The following CHCHD3 variants were observed in gnomAD, a reference collection of about 807,000 sequenced individuals.
The protein encoded by CHCHD3 is MICOS complex subunit MIC19.
A neutral mutation model predicts 38.2 loss-of-function variants in CHCHD3; 20 were observed. The observed-to-expected ratio is 0.52, with a 90% CI of 0.37 to 0.76. The LOEUF (loss-of-function observed/expected upper bound fraction) is 0.76. CHCHD3 is among the 30% of genes least tolerant of loss of function. The pLI, the probability that CHCHD3 is intolerant of heterozygous loss-of-function variation, is 0.00. For missense variants in CHCHD3, 245 were observed against 279.2 expected, an observed-to-expected ratio of 0.88 and a Z score of 0.87; for synonymous variants, 82 against 100.0, an observed-to-expected ratio of 0.82 and a Z score of 1.07.
chr7:132,797,679 T>C (rs1806655078), intron 6 of CHCHD3, among the ~76,000 whole-genome samples: 2 of 152,200 alleles, frequency 1.3e-5, no homozygotes, highest in Admixed American at 1.3e-4. Flanking sequence ...CTACTTATAC[T>C]TACAAATCTC....
At chr7:133,071,161 C>T (rs1009542785) in intron 1 of CHCHD3, among the ~76,000 whole-genome samples, 10 of 152,168 alleles carry the variant, frequency 6.6e-5, no homozygotes, top group African/African-American at 2.4e-4. Context: ...ATTTTCTTTA[C>T]AGCACTTAAC....
chr7:132,912,117 A>C (rs1202864609), intron 4 of CHCHD3, among the ~76,000 whole-genome samples: 1 of 152,298 alleles, frequency 6.6e-6, no homozygotes, highest in Non-Finnish European at 1.5e-5. Context: ...TATCACCTTC[A>C]GGACTTTTGT....
chr7:132,790,143 C>T (rs1806421652), intron 7 of CHCHD3, among the ~76,000 whole-genome samples: 1 of 152,144 alleles, frequency 6.6e-6, no homozygotes, highest in South Asian at 2.1e-4. Flanking sequence ...TTCTTTGTTC[C>T]TCCTGCTTTG....
intron 4 of CHCHD3, among the ~76,000 whole-genome samples, chr7:132,947,965 C>T (rs1446232769): frequency 1.3e-5 from 2 of 151,946 alleles, no homozygotes; most frequent in Admixed American, 1.3e-4. Context: ...ACAAGGATCC[C>T]ACAGTCAGTT....
chr7:132,822,540 G>C (rs1042597003), intron 6 of CHCHD3, among the ~76,000 whole-genome samples: 1 of 151,460 alleles, frequency 6.6e-6, no homozygotes, highest in Non-Finnish European at 1.5e-5. Context: ...AAAAGAAACT[G>C]ACCTGTATAG....
intron 6 of CHCHD3, among the ~76,000 whole-genome samples, chr7:132,802,199 G>A (rs180992553): frequency 6.6e-6 from 1 of 151,978 alleles, no homozygotes; most frequent in African/African-American, 2.4e-5. Flanking sequence ...AATGATGGGG[G>A]GCAGGGTGGA....
chr7:132,785,762 AT>A (rs1371325188), intron 7 of CHCHD3, 102 bp from the exon 8 acceptor site: 36 of 1,260,346 alleles, frequency 2.9e-5, no homozygotes, highest in Non-Finnish European at 4.1e-5. Context: ...CAAATATCTA[AT>A]TTTAAAAACA....
chr7:132,809,654 C>A (rs903267508), intron 6 of CHCHD3, among the ~76,000 whole-genome samples: 1 of 152,152 alleles, frequency 6.6e-6, no homozygotes, highest in African/African-American at 2.4e-5. Context: ...CCTATTCTGG[C>A]CTCAAAGTGA....
chr7:133,070,116 A>T (rs1433289441), intron 2 of CHCHD3, 26 bp downstream of exon 2: 14 of 1,570,242 alleles, frequency 8.9e-6, no homozygotes, highest in Non-Finnish European at 1.1e-5. Context: ...TCTCCTAAAA[A>T]CCCTAAAATT....
intron 3 of CHCHD3, among the ~76,000 whole-genome samples, chr7:132,998,506 A>G (rs889429940): frequency 2.6e-5 from 4 of 152,192 alleles, no homozygotes; most frequent in Admixed American, 2.6e-4. Flanking sequence ...ACAGGATCAC[A>G]CCACTTATCA....
intron 3 of CHCHD3, among the ~76,000 whole-genome samples, chr7:132,984,299 G>A (rs1379486262): frequency 4.2e-4 from 63 of 151,754 alleles, no homozygotes; most frequent in Non-Finnish European, 7.7e-4. Context: ...TCCTAACCGC[G>A]AGTGATCCGC....
intron 6 of CHCHD3, among the ~76,000 whole-genome samples, chr7:132,836,420 C>T (rs542206107): frequency 4.6e-5 from 7 of 151,148 alleles, no homozygotes; most frequent in Non-Finnish European, 8.9e-5. Flanking sequence ...ACGCCTGGCG[C>T]CATGTCTAAA....
intron 3 of CHCHD3, among the ~76,000 whole-genome samples, chr7:133,006,492 T>TA (rs764792096): frequency 2.0e-5 from 1 of 49,608 alleles, no homozygotes; most frequent in African/African-American, 6.2e-5. Flanking sequence ...AATAAATAAA[T>TA]AAAAAAATAA....
intron 4 of CHCHD3, among the ~76,000 whole-genome samples, chr7:132,910,503 T>C (rs1471214430): frequency 6.6e-6 from 1 of 152,226 alleles, no homozygotes; most frequent in African/African-American, 2.4e-5. Flanking sequence ...GAATGGTGAA[T>C]AGAACAAAGT....
chr7:133,035,633 C>T lies in CHCHD3; in HGVS notation c.170-11006G>A. The T allele has an allele frequency of 6.2e-7, 1 of 1,611,150 alleles. No individual in the cohort carries two copies. Among genetic ancestry groups the T allele is most frequent in the Non-Finnish European group, 8.5e-7 (1 of 1,178,388 alleles). On this transcript the variant is annotated intron_variant, in intron 2 of 7. Transcript: ENST00000262570. The surrounding 1 kb of genome is among the most constrained non-coding windows in gnomAD (Gnocchi z 4.7). Reference sequence around the variant, plus strand: ...CGGAATCAGCAAAGCTCACCCACTGCACCACCTGGGCTGCTGCCTCTGGAG... The same window carrying T: ...CGGAATCAGCAAAGCTCACCCACTGTACCACCTGGGCTGCTGCCTCTGGAG...
At chr7:132,933,205 C>T (rs538609528) in intron 4 of CHCHD3, among the ~76,000 whole-genome samples, 1 of 152,276 alleles carries the variant, frequency 6.6e-6, no homozygotes, top group East Asian at 1.9e-4. Context: ...TCAACTGAGT[C>T]ATATTTGTTG....
chr7:132,993,687 C>T lies in CHCHD3; in HGVS notation c.252-18401G>A, dbSNP rs1192237536. ...ATGCCAGCAGCTGATGAGTTTGCAG[C>T]CCCCTCTTAAGAAAACCTGGAGAAA... On this transcript the variant is annotated intron_variant, in intron 3 of 7. Transcript: ENST00000262570. Among the ~76,000 whole-genome samples, 5 of 152,336 alleles carry T rather than the reference C, an allele frequency of 3.3e-5. No homozygotes were observed. The South Asian group carries it at 6.2e-4, about 19-fold the overall frequency.
intron 4 of CHCHD3, among the ~76,000 whole-genome samples, chr7:132,924,552 C>G (rs1810332544): frequency 6.6e-6 from 1 of 152,022 alleles, no homozygotes; most frequent in Non-Finnish European, 1.5e-5. Flanking sequence ...TGGTTCTGGT[C>G]ATAGTAAAGA....
intron 1 of CHCHD3, among the ~76,000 whole-genome samples, chr7:133,074,202 G>T (rs563982456): frequency 6.6e-6 from 1 of 152,218 alleles, no homozygotes; most frequent in South Asian, 2.1e-4. Flanking sequence ...TGTCTCCCAG[G>T]CCAGGCACTA....
Sources: allele counts gnomAD v4.1 joint callset (sites outside exome capture counted in the v4.1 genomes callset), GRCh38; gene constraint gnomAD v4.1.1; non-coding constraint Gnocchi (gnomAD v3.1); transcripts MANE v1.5; gene names NCBI Gene and HGNC (gene_info 2026-07-23, HGNC 2026-07-21).